Variants in USP34 observed in about 807,000 individuals in gnomAD.
USP34 encodes the protein ubiquitin specific peptidase 34.
In USP34, 70 loss-of-function variants were observed where a neutral mutation model predicts 460.3. That is an observed-to-expected ratio of 0.15 (90% confidence interval 0.13 to 0.19). USP34 has a LOEUF of 0.19. Ranked by LOEUF, USP34 falls within the 10% of genes least tolerant of loss-of-function variation. The pLI is 1.00. For missense variants in USP34, 3,985 were observed against 4,236.2 expected (o/e 0.94, Z 1.65); for synonymous variants, 1,647 against 1,405.3 (o/e 1.17, Z -3.85).
intron 29 of USP34, among the ~76,000 whole-genome samples, chr2:61,300,231 G>A (rs575016164): frequency 1.3e-5 from 2 of 152,188 alleles, no homozygotes; most frequent in African/African-American, 2.4e-5. Context: ...AATGACTCAC[G>A]ATGACGCAAA....
chr2:61,404,377 T>TC (rs1177662313), intron 3 of USP34, among the ~76,000 whole-genome samples: 2 of 151,966 alleles, frequency 1.3e-5, no homozygotes, highest in Admixed American at 6.6e-5. Context: ...TTACCTCTCC[T>TC]CCCCCCAGCA....
At chr2:61,312,583 A>C (rs1371560436) in intron 25 of USP34, among the ~76,000 whole-genome samples, 1 of 152,178 alleles carries the variant, frequency 6.6e-6, no homozygotes, top group Non-Finnish European at 1.5e-5. Flanking sequence ...GGAATGAATG[A>C]ACTTGTCTAA....
chr2:61,419,734 G>A (rs1694303303), intron 2 of USP34, among the ~76,000 whole-genome samples: 1 of 152,208 alleles, frequency 6.6e-6, no homozygotes, highest in East Asian at 1.9e-4. Context: ...TCAAGATTAT[G>A]ACTCAGACAC....
At chr2:61,320,422 G>A (rs1316442262) in intron 21 of USP34, among the ~76,000 whole-genome samples, 2 of 152,154 alleles carry the variant, frequency 1.3e-5, no homozygotes, top group East Asian at 1.9e-4. Flanking sequence ...GGAAACCAGG[G>A]TACCCAGAGA....
Position 61,331,703 on chromosome 2 carries a change from A to AT in USP34, c.2835-333dup, listed in dbSNP as rs924994841. ...TGTGCTTTGGTCATTACTTAGCACA[A>AT]TATCTGGCATACAGAAGGCATACAA... On this transcript the variant is annotated intron_variant, in intron 19 of 79. Coordinates refer to ENST00000398571, the MANE Select transcript of USP34 (RefSeq NM_014709.4). Among the ~76,000 whole-genome samples, 39 of 152,138 alleles carry AT rather than the reference A, an allele frequency of 2.6e-4. 1 individual carries two copies. The highest frequency in any genetic ancestry group is 7.9e-4 in the Admixed American group (12 of 15,282).
Position 61,283,552 on chromosome 2 carries a change from A to C in USP34, c.4833-103T>G, listed in dbSNP as rs546231384. 56 of 1,270,024 alleles carry C rather than the reference A, an allele frequency of 4.4e-5. No individual in the cohort carries two copies. In the African/African-American group the frequency reaches 6.6e-4, roughly 15 times the overall value. The allele number at this position is 1,270,024 out of a possible 1,614,324, so 78.7% of individuals were successfully genotyped here. A position where few individuals can be genotyped will look rare whatever the true frequency, so the allele number is the denominator to read the frequency against. ...CTTTAAGGTTATCACTTCCCCCCCA[A>C]AAAAGGAAAGCAGTGGGTGTGTGAG... is the stretch of plus-strand genomic sequence containing the variant. On this transcript the variant is annotated intron_variant, in intron 35 of 79. Coordinates refer to ENST00000398571, the MANE Select transcript of USP34 (RefSeq NM_014709.4).
chr2:61,353,532 C>A (rs1304012034), intron 10 of USP34, among the ~76,000 whole-genome samples: 1 of 151,778 alleles, frequency 6.6e-6, no homozygotes, highest in African/African-American at 2.4e-5. Flanking sequence ...GCTGGGACCA[C>A]AGGTGTGTGC....
chr2:61,279,560 C>G (rs140510090), intron 39 of USP34, among the ~76,000 whole-genome samples: 1 of 152,072 alleles, frequency 6.6e-6, no homozygotes, highest in East Asian at 1.9e-4. Flanking sequence ...CTCTGCCTCC[C>G]GGGTTCAAGC....
At chr2:61,273,950 A>C (rs940023906) in intron 41 of USP34, among the ~76,000 whole-genome samples, 1 of 152,134 alleles carries the variant, frequency 6.6e-6, no homozygotes, top group African/African-American at 2.4e-5. Flanking sequence ...CCTTTCACCT[A>C]AACAATTTCC....
At chr2:61,457,350 A>T (rs1287825050) in intron 1 of USP34, among the ~76,000 whole-genome samples, 1 of 152,256 alleles carries the variant, frequency 6.6e-6, no homozygotes, top group Non-Finnish European at 1.5e-5. Flanking sequence ...AAGCCCAGCA[A>T]GCCACAGAGA....
intron 16 of USP34, among the ~76,000 whole-genome samples, chr2:61,342,193 A>T (rs1224850513): frequency 6.6e-6 from 1 of 151,724 alleles, no homozygotes; most frequent in Admixed American, 6.6e-5. Context: ...ATCAGTCCTT[A>T]ATTTTACTCA....
At chr2:61,255,877 TTAA>T (rs1688711796) in intron 48 of USP34, among the ~76,000 whole-genome samples, 1 of 152,192 alleles carries the variant, frequency 6.6e-6, no homozygotes, top group African/African-American at 2.4e-5. Context: ...CTTATTTGAC[TTAA>T]TAATGGCCCC....
chr2:61,349,868 CAAA>C (rs1439037304), intron 12 of USP34, among the ~76,000 whole-genome samples: 1 of 64,480 alleles, frequency 1.6e-5, no homozygotes, highest in African/African-American at 6.0e-5. Flanking sequence ...ACAACAACAA[CAAA>C]AAAACCCCAC....
intron 75 of USP34, among the ~76,000 whole-genome samples, chr2:61,202,033 T>C (rs1039035148): frequency 1.3e-5 from 2 of 152,188 alleles, no homozygotes; most frequent in Non-Finnish European, 2.9e-5. Flanking sequence ...GCCATCCATA[T>C]ATAAAACCAG....
intron 20 of USP34, among the ~76,000 whole-genome samples, chr2:61,328,779 T>G (rs2103723275): frequency 6.6e-6 from 1 of 152,340 alleles, no homozygotes; most frequent in South Asian, 2.1e-4. Context: ...AGACCTATGT[T>G]CCTTTTTGAT....
In USP34 at chr2:61,470,954, A is replaced by AGGGGGGGAAGGACGGGG. The variant is rs1695943274; in HGVS notation, c.-279_-263dup. Among the ~76,000 whole-genome samples, 1 of 39,928 alleles carries AGGGGGGGAAGGACGGGG rather than the reference A, an allele frequency of 2.5e-5. No homozygotes were observed. Among genetic ancestry groups the AGGGGGGGAAGGACGGGG allele is most frequent in the Non-Finnish European group, 4.8e-5 (1 of 20,934 alleles). The allele number at this position is 39,928 out of a possible 152,430, so 26.2% of individuals were successfully genotyped here. On this transcript the variant is annotated 5_prime_UTR_variant, in exon 1 of 80. Coordinates refer to ENST00000398571, the MANE Select transcript of USP34 (RefSeq NM_014709.4). The stretch of plus-strand genomic sequence containing the variant: ...GGCGCCGAGGCGCCGGCGGCGGGGA[A>AGGGGGGGAAGGACGGGG]GGGGGGGAAGGACGGGGGGAGGGGA...
At position 61,319,416 on chromosome 2, in the gene USP34, CACTT is replaced by C. The variant is rs891410112; in HGVS notation, c.3014-93_3014-90del. On this transcript the variant is annotated intron_variant, in intron 21 of 79. Transcript: ENST00000398571. The stretch of plus-strand genomic sequence containing the variant: ...GGCATGTGTATGTACAGTAAGTCCT[CACTT>C]AACACAGATAGGTTCTTGGAAATTG... 8.8e-5 allele frequency: 76 copies of C among 866,564 alleles called. No individual in the cohort carries two copies. In the African/African-American group the frequency reaches 1.1e-3, roughly 13 times the overall value. The allele number at this position is 866,564 out of a possible 1,614,324, so 53.7% of individuals were successfully genotyped here.
chr2:61,260,179 C>T (rs559438723), intron 43 of USP34, among the ~76,000 whole-genome samples: 1 of 152,232 alleles, frequency 6.6e-6, no homozygotes, highest in South Asian at 2.1e-4. Flanking sequence ...ATCATTTATT[C>T]ATATCTTTAC....
rs1694168910 is a variant in USP34 at position 61,415,533 on chromosome 2, T to C, written c.131+5213A>G. Among the ~76,000 whole-genome samples the C allele has an allele frequency of 1.3e-5, 2 of 152,208 alleles. 1 individual carries two copies. Among genetic ancestry groups the C allele is most frequent in the South Asian group, 4.1e-4 (2 of 4,822 alleles). On this transcript the variant is annotated intron_variant, in intron 2 of 79. Transcript: ENST00000398571. ...CTTATATATCATAACTGGAAGTTCA[T>C]AGGTTACACCTAAAATTGATAGATG...
Sources: allele counts gnomAD v4.1 joint callset (sites outside exome capture counted in the v4.1 genomes callset), GRCh38; gene constraint gnomAD v4.1.1; transcripts MANE v1.5; gene names NCBI Gene and HGNC (gene_info 2026-07-23, HGNC 2026-07-21).